TANC2: variants seen among roughly 807,000 people sequenced by gnomAD.
TANC2 encodes tetratricopeptide repeat, ankyrin repeat and coiled-coil containing 2.
Under a neutral mutation model 210.5 loss-of-function variants are expected in TANC2, and 26 were observed. The ratio of observed to expected loss-of-function variants is 0.12; its 90% CI spans 0.09 to 0.17. The LOEUF is 0.17. TANC2 is among the 10% of genes least tolerant of loss of function. The probability of loss-of-function intolerance (pLI) is 1.00; values close to 1 mark genes in which losing one functional copy is unlikely to be tolerated. For synonymous variants in TANC2, 931 were observed against 967.1 expected (o/e 0.96, Z 0.69); for missense variants, 2,129 against 2,608.9 (o/e 0.82, Z 4.01).
At position 63,179,307 on chromosome 17, in the gene TANC2, A is replaced by G. The variant is rs9896182; in HGVS notation, c.434-14684A>G. Reference sequence around the variant, plus strand: ...ACAGTTTTCTTGGCAGGATGATGAAATGGTTGAGAACATAGGCTCAAGAAC... The same window carrying G: ...ACAGTTTTCTTGGCAGGATGATGAAGTGGTTGAGAACATAGGCTCAAGAAC... On this transcript the variant is annotated intron_variant, in intron 5 of 27. Coordinates refer to ENST00000689528, the Ensembl canonical transcript of TANC2. Among the ~76,000 whole-genome samples the G allele has an allele frequency of 6.1e-3, 926 of 152,310 alleles. 10 individuals are homozygous for G. Among genetic ancestry groups the G allele is most frequent in the African/African-American group, 0.02 (852 of 41,562 alleles).
intron 15 of TANC2, among the ~76,000 whole-genome samples, chr17:63,385,261 T>A (rs1215111099): frequency 1.3e-5 from 2 of 152,244 alleles, no homozygotes; most frequent in Admixed American, 6.5e-5. Flanking sequence ...TGGATATTTC[T>A]TAATGCTGAT....
chr17:63,147,462 CTT>C (rs1217815509), intron 4 of TANC2, among the ~76,000 whole-genome samples: 1 of 152,150 alleles, frequency 6.6e-6, no homozygotes, highest in Non-Finnish European at 1.5e-5. Context: ...AGAAAATTTT[CTT>C]AATGAGCAGT....
chr17:62,994,363 T>C (rs2033009897), intron 1 of TANC2, among the ~76,000 whole-genome samples: 1 of 151,000 alleles, frequency 6.6e-6, no homozygotes, highest in East Asian at 1.9e-4. Flanking sequence ...TTTTTTTTTT[T>C]GTATTTTTAG....
intron 14 of TANC2, among the ~76,000 whole-genome samples, chr17:63,355,748 T>C (rs1487589117): frequency 6.6e-6 from 1 of 152,216 alleles, no homozygotes; most frequent in Non-Finnish European, 1.5e-5. Context: ...ATTGTAAATC[T>C]CTTTGATTTA....
At chr17:62,998,342 A>G (rs1249587577) in intron 1 of TANC2, among the ~76,000 whole-genome samples, 2 of 152,190 alleles carry the variant, frequency 1.3e-5, no homozygotes, top group Non-Finnish European at 2.9e-5. Context: ...TGGACAACAT[A>G]TTTGAGAATG....
chr17:63,398,480 C>G (rs2048239813), intron 18 of TANC2, among the ~76,000 whole-genome samples: 1 of 150,230 alleles, frequency 6.7e-6, no homozygotes, highest in Non-Finnish European at 1.5e-5. Flanking sequence ...GAAAGAAAAA[C>G]AGGCCCTCAG....
At chr17:62,987,026 C>T (rs962823904) in intron 1 of TANC2, among the ~76,000 whole-genome samples, 1 of 152,176 alleles carries the variant, frequency 6.6e-6, no homozygotes, top group East Asian at 1.9e-4. Flanking sequence ...TCATGCCCTG[C>T]ATATGAACAT....
chr17:63,153,040 A>G (rs1407166548), intron 5 of TANC2: 1 of 152,194 alleles, frequency 6.6e-6, no homozygotes, highest in Non-Finnish European at 1.5e-5. Context: ...TAAAGCATAG[A>G]AACTTTATAG....
At chr17:63,194,100 A>G (rs765339133) in exon 6 of TANC2, 2 of 1,613,542 alleles carry the variant, frequency 1.2e-6, no homozygotes, top group Admixed American at 1.7e-5. Context: ...AAGTTCAGCC[A>G]GGTGACCAAT....
chr17:63,033,115 G>GA (rs1283599516), intron 2 of TANC2, among the ~76,000 whole-genome samples: 1 of 152,138 alleles, frequency 6.6e-6, no homozygotes, highest in Non-Finnish European at 1.5e-5. Context: ...TGCTCCTGTG[G>GA]AATTGGGGTG....
At chr17:63,133,124 C>G (rs1310251735) in intron 4 of TANC2, among the ~76,000 whole-genome samples, 1 of 152,180 alleles carries the variant, frequency 6.6e-6, no homozygotes, top group Non-Finnish European at 1.5e-5. Context: ...CAGGTGTGTG[C>G]CACCACGCCT....
At chr17:63,307,536 TAAATA>T (rs1223906840) in intron 9 of TANC2, among the ~76,000 whole-genome samples, 2 of 152,188 alleles carry the variant, frequency 1.3e-5, no homozygotes, top group Non-Finnish European at 2.9e-5. Context: ...ATAAAGGCCT[TAAATA>T]AAATAAAGAG....
chr17:63,104,728 C>T (rs546681320), intron 4 of TANC2, among the ~76,000 whole-genome samples: 41 of 152,240 alleles, frequency 2.7e-4, no homozygotes, highest in Non-Finnish European at 4.3e-4. Context: ...AACTCTTACT[C>T]GGAAGTGGGA....
intron 8 of TANC2, among the ~76,000 whole-genome samples, chr17:63,257,390 C>T (rs7220693): frequency 0.021 from 3,181 of 152,178 alleles, 99 homozygotes; most frequent in African/African-American, 0.071. Context: ...TAGGGTCTCA[C>T]TTTGTTACCC....
chr17:63,147,359 AAG>A (rs1555584955), intron 4 of TANC2, among the ~76,000 whole-genome samples: 52 of 152,124 alleles, frequency 3.4e-4, no homozygotes, highest in Non-Finnish European at 6.3e-4. Flanking sequence ...CACAAAAAAA[AAG>A]AAAAAAGAAA....
At position 63,420,001 on chromosome 17, in the gene TANC2, AGTTCGC is replaced by A. The variant is rs2048973925; in HGVS notation, c.4272_4277del (p.Phe1425_Ala1426del). 2 of 1,535,612 alleles carry A rather than the reference AGTTCGC, an allele frequency of 1.3e-6. No homozygotes were observed. Among genetic ancestry groups the A allele is most frequent in the East Asian group, 4.9e-5 (2 of 40,608 alleles). ...TGTGTTCACATTTTGTCAAGCAGAC[AGTTCGC>A]AGCAGCCTTAGAGGACCTGAACGAG... On this transcript the variant is annotated inframe_deletion, in exon 28 of 28. Coordinates refer to ENST00000689528, the Ensembl canonical transcript of TANC2. The surrounding 1 kb of genome is among the most constrained non-coding windows in gnomAD (Gnocchi z 4.2).
chr17:63,348,229 T>G (rs2046480023), intron 12 of TANC2, among the ~76,000 whole-genome samples: 1 of 152,228 alleles, frequency 6.6e-6, no homozygotes, highest in African/African-American at 2.4e-5. Flanking sequence ...AGTTCTGACT[T>G]CAGTACTAGC....
chr17:63,376,970 A>G (rs1226438704), intron 14 of TANC2, among the ~76,000 whole-genome samples: 1 of 152,124 alleles, frequency 6.6e-6, no homozygotes. Flanking sequence ...GGTGCCCACC[A>G]CCATGCCCAG....
At chr17:63,099,323 C>G (rs1170637282) in exon 4 of TANC2, 1 of 1,550,094 alleles carries the variant, frequency 6.5e-7, no homozygotes, top group Non-Finnish European at 8.7e-7. Context: ...ATCAGTCTAT[C>G]AGTGTTCGGC....
Sources: allele counts gnomAD v4.1 joint callset (sites outside exome capture counted in the v4.1 genomes callset), GRCh38; gene constraint gnomAD v4.1.1; non-coding constraint Gnocchi (gnomAD v3.1); transcripts MANE v1.5; gene names NCBI Gene and HGNC (gene_info 2026-07-23, HGNC 2026-07-21).